The following SCD5 variants were observed in gnomAD, a reference collection of about 807,000 sequenced individuals.
SCD5 encodes acyl-CoA-desaturase 4.
In SCD5, 20 loss-of-function variants were observed where a neutral mutation model predicts 30.4. The observed-to-expected ratio is 0.66, with a 90% CI of 0.46 to 0.96. The LOEUF (loss-of-function observed/expected upper bound fraction) is 0.96. Ranked by LOEUF, SCD5 falls within the 40% of genes least tolerant of loss-of-function variation. The probability of loss-of-function intolerance (pLI) is 0.00; values close to 1 mark genes in which losing one functional copy is unlikely to be tolerated. For synonymous variants in SCD5, 173 were observed against 176.4 expected (o/e 0.98, Z 0.16); for missense variants, 381 against 443.3 (o/e 0.86, Z 1.26).
In SCD5 at chr4:82,656,771, T is replaced by C. The variant is rs576053335; in HGVS notation, c.570-19948A>G. 3.9e-5 allele frequency among the ~76,000 whole-genome samples: 6 copies of C among 152,346 alleles called. No homozygotes were observed. The East Asian group carries it at 1.2e-3, about 29-fold the overall frequency. ...ACCCTGTCCATCATCTGTTGTTTTC[T>C]GACTTTTTAATGATCGCCATTGTAA... On this transcript the variant is annotated intron_variant, in intron 3 of 4. Transcript: ENST00000319540.
intron 1 of SCD5, among the ~76,000 whole-genome samples, chr4:82,765,808 C>T (rs1365446674): frequency 2.0e-5 from 3 of 151,910 alleles, no homozygotes; most frequent in Admixed American, 2.0e-4. Context: ...TTAGTAGAGG[C>T]GGGGTTTCAC....
intron 1 of SCD5, among the ~76,000 whole-genome samples, chr4:82,721,917 C>T (rs544642662): frequency 6.6e-6 from 1 of 152,342 alleles, no homozygotes; most frequent in South Asian, 2.1e-4. Context: ...AATCTTACAA[C>T]GGAAGCATCT....
chr4:82,786,390 TGATAGA>T (rs1191297924), intron 1 of SCD5, among the ~76,000 whole-genome samples: 3 of 152,224 alleles, frequency 2.0e-5, no homozygotes, highest in Non-Finnish European at 4.4e-5. Flanking sequence ...GTGACAATCT[TGATAGA>T]ATAGGTAGTG....
chr4:82,732,670 A>G (rs1720669663), intron 1 of SCD5, among the ~76,000 whole-genome samples: 1 of 152,158 alleles, frequency 6.6e-6, no homozygotes, highest in South Asian at 2.1e-4. Context: ...AAATGAATAC[A>G]AATTACAGTA....
intron 1 of SCD5, among the ~76,000 whole-genome samples, chr4:82,740,065 G>C (rs1720841119): frequency 6.6e-6 from 1 of 152,116 alleles, no homozygotes; most frequent in Non-Finnish European, 1.5e-5. Context: ...TTCCTGCTGG[G>C]GGCATCTGAT....
chr4:82,724,683 GGAA>G (rs1370124057), intron 1 of SCD5, among the ~76,000 whole-genome samples: 1 of 152,138 alleles, frequency 6.6e-6, no homozygotes, highest in African/African-American at 2.4e-5. Context: ...CTGAAAAATG[GGAA>G]GAACAAAACA....
chr4:82,783,786 A>G (rs2148852106), intron 1 of SCD5, among the ~76,000 whole-genome samples: 1 of 151,738 alleles, frequency 6.6e-6, no homozygotes, highest in East Asian at 1.9e-4. Flanking sequence ...CTGGGCAACA[A>G]GAGTGAAACT....
chr4:82,688,895 C>T (rs996772881), intron 2 of SCD5, among the ~76,000 whole-genome samples: 2 of 152,184 alleles, frequency 1.3e-5, no homozygotes, highest in Non-Finnish European at 2.9e-5. Flanking sequence ...ATATTTAACA[C>T]ATACTTTTAA....
chr4:82,733,775 C>G (rs370324330), intron 1 of SCD5, among the ~76,000 whole-genome samples: 21 of 152,194 alleles, frequency 1.4e-4, no homozygotes, highest in Admixed American at 3.3e-4. Flanking sequence ...TGGGAATCTC[C>G]CCACTCTGGG....
At chr4:82,684,315 C>G (rs1289574673) in intron 2 of SCD5, among the ~76,000 whole-genome samples, 1 of 152,076 alleles carries the variant, frequency 6.6e-6, no homozygotes, top group African/African-American at 2.4e-5. Flanking sequence ...AAGTGTAAAG[C>G]TGAGTCCAGT....
rs1197084838 is a variant in SCD5, at chr4:82,681,491, A to G, written c.364-579T>C. On this transcript the variant is annotated intron_variant, in intron 2 of 4. Coordinates refer to ENST00000319540, the MANE Select transcript of SCD5 (RefSeq NM_001037582.3). ...GTTCTGTCCAGATCTTTGCAGGGACATGGATGGAGCTGGGGGTCATTATCC... is the reference window on the plus strand; with the variant it reads ...GTTCTGTCCAGATCTTTGCAGGGACGTGGATGGAGCTGGGGGTCATTATCC... 3.7e-4 allele frequency among the ~76,000 whole-genome samples: 56 copies of G among 152,274 alleles called. 1 individual carries two copies.
intron 3 of SCD5, among the ~76,000 whole-genome samples, chr4:82,677,194 C>G (rs1229225077): frequency 6.6e-6 from 1 of 152,198 alleles, no homozygotes; most frequent in Non-Finnish European, 1.5e-5. Flanking sequence ...GCTGATTGAT[C>G]TGCACAAACA....
In SCD5 at chr4:82,660,789, G is replaced by A. The variant is rs1276080773; in HGVS notation, c.569+19918C>T. 2.0e-5 allele frequency: 32 copies of A among 1,597,696 alleles called. 1 individual carries two copies. Among genetic ancestry groups the A allele is most frequent in the South Asian group, 4.5e-5 (4 of 88,688 alleles). The stretch of plus-strand genomic sequence containing the variant: ...TGCAGCTCTGTCTATGCTTCACACC[G>A]TTAAAAAAGGCCTGGGTGTGGAGTC... On this transcript the variant is annotated intron_variant, in intron 3 of 4. Transcript: ENST00000319540.
intron 1 of SCD5, among the ~76,000 whole-genome samples, chr4:82,733,999 T>C (rs887039952): frequency 6.6e-6 from 1 of 152,028 alleles, no homozygotes; most frequent in East Asian, 1.9e-4. Context: ...CACTATTACA[T>C]ACAATGAAGG....
intron 1 of SCD5, among the ~76,000 whole-genome samples, chr4:82,722,665 T>A (rs1720393302): frequency 6.7e-6 from 1 of 148,912 alleles, no homozygotes; most frequent in Admixed American, 6.8e-5. Context: ...ACTGAGGAGC[T>A]GAGGCAAGAG....
At chr4:82,727,310 A>C (rs1290814185) in intron 1 of SCD5, among the ~76,000 whole-genome samples, 1 of 152,208 alleles carries the variant, frequency 6.6e-6, no homozygotes, top group Non-Finnish European at 1.5e-5. Flanking sequence ...ATAGAACACT[A>C]TACTAAGAGT....
chr4:82,662,630 T>C (rs1728038635), intron 3 of SCD5, among the ~76,000 whole-genome samples: 1 of 150,852 alleles, frequency 6.6e-6, no homozygotes, highest in Admixed American at 6.6e-5. Flanking sequence ...GAGGCTGAGG[T>C]AGGTGGATCA....
rs147223938 is a variant in SCD5, at chr4:82,721,313, C to G, written c.233-15900G>C. 5.4e-3 allele frequency among the ~76,000 whole-genome samples: 817 copies of G among 152,290 alleles called. 4 individuals are homozygous for G. The highest frequency in any genetic ancestry group is 0.018 in the African/African-American group (766 of 41,542). ...TGTCCAATTCTGCTTCTTATTCCCCCACAGATGTTTCTAAGCACAGTACTA... is the reference window on the plus strand; with the variant it reads ...TGTCCAATTCTGCTTCTTATTCCCCGACAGATGTTTCTAAGCACAGTACTA... On this transcript the variant is annotated intron_variant, in intron 1 of 4. Coordinates refer to ENST00000319540, the MANE Select transcript of SCD5 (RefSeq NM_001037582.3).
intron 2 of SCD5, among the ~76,000 whole-genome samples, chr4:82,695,678 C>A (rs969770391): frequency 1.3e-5 from 2 of 152,170 alleles, no homozygotes; most frequent in African/African-American, 4.8e-5. Flanking sequence ...ACACACTATA[C>A]CCTGTCAGCT....
Sources: gnomAD v4.1 joint callset for allele counts (sites outside exome capture counted in the v4.1 genomes callset) on GRCh38, gnomAD v4.1.1 for gene constraint, MANE v1.5 for transcripts, NCBI Gene and HGNC (gene_info 2026-07-23, HGNC 2026-07-21) for gene names.